Variants in FAM98B observed in about 807,000 individuals in gnomAD.
The protein encoded by FAM98B is tRNA-splicing ligase complex subunit FAM98B.
FAM98B carries 32 observed loss-of-function variants against 43.9 expected under a neutral mutation model. The ratio of observed to expected loss-of-function variants is 0.73; its 90% CI spans 0.55 to 0.98. The LOEUF is 0.98. FAM98B is among the 50% of genes least tolerant of loss of function. The pLI is 0.00. For missense variants in FAM98B, 514 were observed against 522.9 expected (o/e 0.98, Z 0.17); for synonymous variants, 190 against 174.0 (o/e 1.09, Z -0.72).
intron 3 of FAM98B, among the ~76,000 whole-genome samples, chr15:38,468,079 G>T (rs1890066661): frequency 6.6e-6 from 1 of 152,134 alleles, no homozygotes; most frequent in Non-Finnish European, 1.5e-5. Flanking sequence ...TCCCTCTACT[G>T]CTTACTATCT....
chr15:38,467,036 G>C (rs1245848126), intron 3 of FAM98B, among the ~76,000 whole-genome samples: 2 of 152,112 alleles, frequency 1.3e-5, no homozygotes, highest in East Asian at 3.9e-4. Flanking sequence ...ATGTGTAATA[G>C]ATTTCAAATT....
Position 38,470,288 on chromosome 15 carries a change from T to C in FAM98B, c.414T>C (p.Ser138=). The part of the protein sequence containing the change: ...QILQNKKHKN[S]QLDKNSEVYQ... ...TACAGAACAAGAAACATAAAAATTC[T>C]CAATTAGATAAAAATAGTGAAGTTT... Residue 138 remains serine, a synonymous_variant, in exon 4 of 8, where the codon TCT becomes TCC. Transcript: ENST00000397609. The C allele has an allele frequency of 6.3e-7, 1 of 1,592,370 alleles. No homozygotes were observed. Among genetic ancestry groups the C allele is most frequent in the South Asian group, 1.1e-5 (1 of 87,626 alleles).
rs747174402 is a variant in FAM98B, at chr15:38,484,440, TGGA to T, written c.1092_1094del (p.Gly365del). The T allele has an allele frequency of 1.4e-5, 5 of 354,246 alleles. No individual in the cohort carries two copies. In the East Asian group the frequency reaches 1.5e-3, roughly 104 times the overall value. The allele number at this position is 354,246 out of a possible 1,614,324, so 21.9% of individuals were successfully genotyped here. On this transcript the variant is annotated inframe_deletion, in exon 8 of 8. Transcript: ENST00000397609. ...GGGGTGGGAGAGGTGGCTGGGGGGG[TGGA>T]GGAGGAGGTTGGGGAGGTGGTGGGG...
chr15:38,471,083 G>A (rs1004243257), intron 4 of FAM98B, among the ~76,000 whole-genome samples: 2 of 151,934 alleles, frequency 1.3e-5, no homozygotes, highest in Non-Finnish European at 2.9e-5. Flanking sequence ...TCCTCTAGGG[G>A]AAGAATACAG....
In FAM98B at chr15:38,454,207, G is replaced by C; in HGVS notation, c.46G>C (p.Val16Leu). 6.2e-7 allele frequency: 1 copy of C among 1,604,366 alleles called. No individual in the cohort carries two copies. Among genetic ancestry groups the C allele is most frequent in the Non-Finnish European group, 8.5e-7 (1 of 1,176,670 alleles). ...PGPQPTMEGD[V>L]LDTLEALGYK... is the part of the protein sequence containing the mutation. ...TCCCCAACCGACGATGGAGGGAGAC[G>C]TGCTGGACACACTGGAGGCGCTGGG... is the stretch of plus-strand genomic sequence containing the variant. Residue 16 changes from valine to leucine, a missense_variant, in exon 1 of 8, where the codon GTG becomes CTG. Around this residue, in one of 2 missense-constraint regions of FAM98B, gnomAD observed 469 missense variants for 451.8 expected, o/e 1.04. Coordinates refer to ENST00000397609, the MANE Select transcript of FAM98B (RefSeq NM_173611.4).
chr15:38,455,358 T>G (rs1353771839), intron 1 of FAM98B, among the ~76,000 whole-genome samples: 1 of 152,238 alleles, frequency 6.6e-6, no homozygotes, highest in Non-Finnish European at 1.5e-5. Flanking sequence ...TAGGGGAAGC[T>G]GTGCCTTTGC....
At chr15:38,456,213 G>C (rs979069413) in intron 1 of FAM98B, among the ~76,000 whole-genome samples, 2 of 152,214 alleles carry the variant, frequency 1.3e-5, no homozygotes, top group African/African-American at 2.4e-5. Context: ...TGTGAAAAGA[G>C]AGGGCTGGAG....
Position 38,470,413 on chromosome 15 carries a change from CTTTGT to C in FAM98B, c.531+12_531+16del. The C allele has an allele frequency of 1.3e-6, 2 of 1,574,492 alleles. No individual in the cohort carries two copies. The highest frequency in any genetic ancestry group is 1.4e-5 in the African/African-American group (1 of 72,690). ...AACCAAGTGGAATCAAAGGTATTAT[CTTTGT>C]TTTATTTTCCCCAAAATTCAACTGA... On this transcript the variant is annotated intron_variant, in intron 4 of 7. Transcript: ENST00000397609.
chr15:38,479,026 C>T (rs1890246337), intron 6 of FAM98B, among the ~76,000 whole-genome samples: 1 of 151,914 alleles, frequency 6.6e-6, no homozygotes, highest in Non-Finnish European at 1.5e-5. Context: ...GTGCCATCAT[C>T]ATAGCTCACT....
At chr15:38,455,042 C>T (rs1041225385) in intron 1 of FAM98B, among the ~76,000 whole-genome samples, 1 of 152,090 alleles carries the variant, frequency 6.6e-6, no homozygotes, top group South Asian at 2.1e-4. Context: ...CATGTCCTGC[C>T]CATTCATTTG....
chr15:38,474,856 A>G (rs748016674), intron 6 of FAM98B, among the ~76,000 whole-genome samples: 5 of 152,160 alleles, frequency 3.3e-5, no homozygotes, highest in Admixed American at 3.3e-4. Flanking sequence ...ACCCTGCATC[A>G]TTGCCTGGAA....
At chr15:38,456,647 AG>A (rs1889853277) in intron 1 of FAM98B, among the ~76,000 whole-genome samples, 1 of 152,252 alleles carries the variant, frequency 6.6e-6, no homozygotes, top group South Asian at 2.1e-4. Context: ...GGAGGATCTA[AG>A]AAGTCTTAGG....
At chr15:38,479,937 T>C (rs1890258785) in intron 6 of FAM98B, among the ~76,000 whole-genome samples, 1 of 152,208 alleles carries the variant, frequency 6.6e-6, no homozygotes, top group Non-Finnish European at 1.5e-5. Context: ...GTTCTTATTA[T>C]TGACAAAGTT....
In FAM98B at chr15:38,465,357, T is replaced by C. The variant is rs1489917220; in HGVS notation, c.306T>C (p.Asp102=). 1.9e-6 allele frequency: 3 copies of C among 1,607,002 alleles called. No homozygotes were observed. Among genetic ancestry groups the C allele is most frequent in the Admixed American group, 1.7e-5 (1 of 58,606 alleles). ...ACPYSVLISG[D]IKDRLKKKED... Reference sequence around the variant, plus strand: ...CATATTCTGTACTCATATCAGGAGATATTAAAGATCGTTTAAAAAAGAAGG... The same window carrying C: ...CATATTCTGTACTCATATCAGGAGACATTAAAGATCGTTTAAAAAAGAAGG... The change falls in exon 3 of 8, where the codon GAT becomes GAC. Residue 102 remains aspartate (D), a synonymous_variant. Coordinates refer to ENST00000397609, the MANE Select transcript of FAM98B (RefSeq NM_173611.4).
At chr15:38,475,742 G>T (rs1457884763) in intron 6 of FAM98B, among the ~76,000 whole-genome samples, 3 of 152,160 alleles carry the variant, frequency 2.0e-5, no homozygotes, top group African/African-American at 7.2e-5. Flanking sequence ...GCATCTGTAA[G>T]GTAGCATTCA....
At chr15:38,465,481 C>T (rs1425524947) in intron 3 of FAM98B, 78 bp downstream of exon 3, 3 of 1,315,014 alleles carry the variant, frequency 2.3e-6, no homozygotes, top group Non-Finnish European at 3.1e-6. Context: ...ATTAATGAAG[C>T]ATTAGACATT....
At chr15:38,460,182 G>A (rs1889925378) in intron 1 of FAM98B, among the ~76,000 whole-genome samples, 1 of 152,162 alleles carries the variant, frequency 6.6e-6, no homozygotes, top group East Asian at 1.9e-4. Flanking sequence ...TGTTCCCAGT[G>A]TTTGGAATAA....
intron 6 of FAM98B, among the ~76,000 whole-genome samples, chr15:38,475,682 A>G (rs1000598571): frequency 5.9e-5 from 9 of 152,168 alleles, no homozygotes; most frequent in African/African-American, 2.2e-4. Flanking sequence ...GCCCACACAG[A>G]TAATACAGAA....
Position 38,484,568 on chromosome 15 carries a change from G to A in FAM98B, c.1211G>A (p.Gly404Asp). 3 of 1,402,776 alleles carry A rather than the reference G, an allele frequency of 2.1e-6. No individual in the cohort carries two copies. Among genetic ancestry groups the A allele is most frequent in the South Asian group, 1.3e-5 (1 of 74,924 alleles). The allele number at this position is 1,402,776 out of a possible 1,614,324, so 86.9% of individuals were successfully genotyped here. ...GGRGGYGGRGGYGGRGYGDPY... is the reference protein window; with the variant it reads ...GGRGGYGGRGDYGGRGYGDPY... ...AGAGGGGGTTATGGTGGAAGAGGGG[G>A]CTATGGTGGAAGAGGCTATGGAGAT... The change falls in exon 8 of 8, where the codon GGC becomes GAC. Residue 404 changes from glycine (G) to aspartate (D), a missense_variant. By Grantham distance (94) the Gly-to-Asp change is moderately conservative. This residue lies in a region of FAM98B where 45 missense variants were observed against 71.1 expected (regional missense o/e 0.63). Transcript: ENST00000397609.
Sources: allele counts gnomAD v4.1 joint callset (sites outside exome capture counted in the v4.1 genomes callset), GRCh38; gene constraint gnomAD v4.1.1; regional missense constraint gnomAD v4.1.1; transcripts MANE v1.5; gene names NCBI Gene and HGNC (gene_info 2026-07-23, HGNC 2026-07-21).